The following SV2B variants were observed in gnomAD, a reference collection of about 807,000 sequenced individuals.
SV2B encodes the protein synaptic vesicle glycoprotein 2B, also known as solute carrier family 22 member B2.
In SV2B, 41 loss-of-function variants were observed where a neutral mutation model predicts 73.9. The ratio of observed to expected loss-of-function variants is 0.56; its 90% CI spans 0.43 to 0.72. SV2B has a LOEUF of 0.72. SV2B is among the 30% of genes least tolerant of loss of function. The pLI is 0.00. For missense variants in SV2B, 764 were observed against 857.8 expected, an observed-to-expected ratio of 0.89 and a Z score of 1.37; for synonymous variants, 314 against 314.2, an observed-to-expected ratio of 1.00 and a Z score of 0.01.
chr15:91,143,748 C>G (rs1354507220), intron 1 of SV2B, among the ~76,000 whole-genome samples: 1 of 152,136 alleles, frequency 6.6e-6, no homozygotes, highest in African/African-American at 2.4e-5. Flanking sequence ...GATGTTTGTT[C>G]TGTTTAGAAA....
chr15:91,270,926 G>T (rs1251766524), intron 9 of SV2B, among the ~76,000 whole-genome samples: 2 of 147,708 alleles, frequency 1.4e-5, no homozygotes, highest in East Asian at 3.9e-4. Flanking sequence ...ACGATGGGAG[G>T]ACGGTGAGTC....
At chr15:91,188,536 C>T (rs769080245) in intron 1 of SV2B, among the ~76,000 whole-genome samples, 1 of 151,922 alleles carries the variant, frequency 6.6e-6, no homozygotes, top group Non-Finnish European at 1.5e-5. Flanking sequence ...AGGATGGTCT[C>T]GATCTTCTGA....
At chr15:91,191,748 G>T in intron 1 of SV2B, among the ~76,000 whole-genome samples, 1 of 152,016 alleles carries the variant, frequency 6.6e-6, no homozygotes. Flanking sequence ...TCTCTTATAG[G>T]CAACATTTTG....
At chr15:91,109,811 C>T (rs571860811) in intron 1 of SV2B, among the ~76,000 whole-genome samples, 13 of 152,268 alleles carry the variant, frequency 8.5e-5, no homozygotes, top group South Asian at 2.1e-4. Context: ...CTTGGTCTCA[C>T]TGCAACCTCT....
At chr15:91,177,567 T>C (rs934040803) in intron 1 of SV2B, among the ~76,000 whole-genome samples, 2 of 147,550 alleles carry the variant, frequency 1.4e-5, no homozygotes, top group Admixed American at 6.7e-5. Context: ...TTTTATTTCA[T>C]TGAGCAGTGG....
rs533400662 is a variant in SV2B, at chr15:91,100,471, C to T, written c.-392+108C>T. ...CTGCCTGGGCTGAAATATACACGCT[C>T]GCACAGCTGAGTGCTGTTCATAGTA... On this transcript the variant is annotated intron_variant, in intron 1 of 12. Coordinates refer to ENST00000394232, the MANE Select transcript of SV2B (RefSeq NM_001323032.3). This position sits in a 1 kb window ranked among gnomAD's most constrained non-coding sequence, Gnocchi z 6.4. 6.6e-6 allele frequency: 1 copy of T among 152,372 alleles called. No individual in the cohort carries two copies. The highest frequency in any genetic ancestry group is 1.5e-5 in the Non-Finnish European group (1 of 68,058). 9.4% of individuals were successfully genotyped at this position (152,372 alleles called of 1,614,324 possible).
intron 1 of SV2B, among the ~76,000 whole-genome samples, chr15:91,153,890 C>T (rs2043398137): frequency 6.6e-6 from 1 of 152,002 alleles, no homozygotes; most frequent in Non-Finnish European, 1.5e-5. Context: ...TGTAGGCAGG[C>T]CATGCTGAGG....
rs909091789 is a variant in SV2B at position 91,100,393 on chromosome 15, A to G, written c.-392+30A>G. 5 of 152,290 alleles carry G rather than the reference A, an allele frequency of 3.3e-5. No individual in the cohort carries two copies. The highest frequency in any genetic ancestry group is 1.2e-4 in the African/African-American group (5 of 41,450). 9.4% of individuals were successfully genotyped at this position (152,290 alleles called of 1,614,324 possible). ...GGGACTGCGTTGCTCGCTGCGGTGCAACCGACCCAGCCGGGGCGCGGACCC... is the reference window on the plus strand; with the variant it reads ...GGGACTGCGTTGCTCGCTGCGGTGCGACCGACCCAGCCGGGGCGCGGACCC... On this transcript the variant is annotated intron_variant, in intron 1 of 12. Transcript: ENST00000394232. This position sits in a 1 kb window ranked among gnomAD's most constrained non-coding sequence, Gnocchi z 6.4.
chr15:91,262,028 A>G (rs1001066523), intron 6 of SV2B, among the ~76,000 whole-genome samples: 6 of 152,208 alleles, frequency 3.9e-5, no homozygotes, highest in Admixed American at 3.3e-4. Flanking sequence ...TTCAGTCTCA[A>G]GTAAACCATT....
At chr15:91,225,488 C>T (rs938784245) in intron 1 of SV2B, among the ~76,000 whole-genome samples, 1 of 152,058 alleles carries the variant, frequency 6.6e-6, no homozygotes, top group African/African-American at 2.4e-5. Flanking sequence ...AATCCCTTGA[C>T]CACTTTATAT....
chr15:91,158,194 C>T (rs1484565202), intron 1 of SV2B, among the ~76,000 whole-genome samples: 2 of 152,178 alleles, frequency 1.3e-5, no homozygotes, highest in Non-Finnish European at 2.9e-5. Flanking sequence ...CAAGAGGGCT[C>T]TGCCCTTGTT....
At position 91,287,524 on chromosome 15, in the gene SV2B, G is replaced by A. The variant is rs566293616; in HGVS notation, c.1709-1997G>A. On this transcript the variant is annotated intron_variant, in intron 11 of 12. Coordinates refer to ENST00000394232, the MANE Select transcript of SV2B (RefSeq NM_001323032.3). ...TGGAGCTTGCATCTCAAGGTCCTCC[G>A]GGCTGAACTTACTGGAATTGGGCAG... Among the ~76,000 whole-genome samples the A allele has an allele frequency of 8.5e-5, 13 of 152,260 alleles. No homozygotes were observed. In the East Asian group the frequency reaches 1.5e-3, roughly 18 times the overall value.
At chr15:91,244,670 CAT>C (rs529009469) in intron 2 of SV2B, among the ~76,000 whole-genome samples, 14 of 152,280 alleles carry the variant, frequency 9.2e-5, no homozygotes, top group South Asian at 4.1e-4. Context: ...GTGGGATTCC[CAT>C]ATATGTTAAA....
Position 91,154,339 on chromosome 15 carries a change from G to A in SV2B, c.-392+53976G>A, listed in dbSNP as rs764663876. Among the ~76,000 whole-genome samples, 18 of 152,106 alleles carry A rather than the reference G, an allele frequency of 1.2e-4. 1 individual carries two copies. The highest frequency in any genetic ancestry group is 2.1e-4 in the South Asian group (1 of 4,830). On this transcript the variant is annotated intron_variant, in intron 1 of 12. Transcript: ENST00000394232. ...GTGCCGGATGCAGTGCCAGGCACTAGACATGGTAGCACAAAAACATGGTTG... is the reference window on the plus strand; with the variant it reads ...GTGCCGGATGCAGTGCCAGGCACTAAACATGGTAGCACAAAAACATGGTTG...
chr15:91,128,268 G>T lies in SV2B; in HGVS notation c.-392+27905G>T, dbSNP rs1022690648. On this transcript the variant is annotated intron_variant, in intron 1 of 12. Coordinates refer to ENST00000394232, the MANE Select transcript of SV2B (RefSeq NM_001323032.3). This position sits in a 1 kb window ranked among gnomAD's most constrained non-coding sequence, Gnocchi z 4.2. Reference sequence around the variant, plus strand: ...CAGAGGCTGTTCTCCAAGAAGGTGGGATGGGAGAGCAGGAGGAGGTGTCAG... The same window carrying T: ...CAGAGGCTGTTCTCCAAGAAGGTGGTATGGGAGAGCAGGAGGAGGTGTCAG... Among the ~76,000 whole-genome samples the T allele has an allele frequency of 4.9e-4, 74 of 152,186 alleles. No individual in the cohort carries two copies. The highest frequency in any genetic ancestry group is 5.3e-4 in the Non-Finnish European group (36 of 68,030).
At chr15:91,285,786 A>G (rs986121478) in intron 11 of SV2B, among the ~76,000 whole-genome samples, 5 of 151,960 alleles carry the variant, frequency 3.3e-5, no homozygotes, top group Admixed American at 2.6e-4. Context: ...GTTCTGGGGG[A>G]GGCAGGGTTA....
intron 1 of SV2B, among the ~76,000 whole-genome samples, chr15:91,152,494 AG>A (rs1377169567): frequency 6.6e-6 from 1 of 152,188 alleles, no homozygotes; most frequent in African/African-American, 2.4e-5. Flanking sequence ...TTAATTTTTA[AG>A]AAGTGAATTT....
intron 1 of SV2B, among the ~76,000 whole-genome samples, chr15:91,127,663 G>T (rs1041097065): frequency 6.6e-6 from 1 of 152,170 alleles, no homozygotes; most frequent in African/African-American, 2.4e-5. Context: ...AGCCCAGAAG[G>T]TGTTTGTGTG....
intron 6 of SV2B, among the ~76,000 whole-genome samples, chr15:91,262,712 G>T (rs1041661377): frequency 6.6e-6 from 1 of 152,058 alleles, no homozygotes; most frequent in Non-Finnish European, 1.5e-5. Flanking sequence ...AACATGTACT[G>T]CAAACATTTA....
Sources: gnomAD v4.1 joint callset for allele counts (sites outside exome capture counted in the v4.1 genomes callset) on GRCh38, gnomAD v4.1.1 for gene constraint, Gnocchi (gnomAD v3.1) non-coding constraint, MANE v1.5 for transcripts, NCBI Gene and HGNC (gene_info 2026-07-23, HGNC 2026-07-21) for gene names.